Variants in DPF3 observed in about 807,000 individuals in gnomAD.
DPF3 encodes zinc finger protein DPF3.
A neutral mutation model predicts 56.8 loss-of-function variants in DPF3; 18 were observed. The ratio of observed to expected loss-of-function variants is 0.32; its 90% CI spans 0.22 to 0.47. The LOEUF (loss-of-function observed/expected upper bound fraction) is 0.47, where lower values mean the gene tolerates loss of function less well. Ranked by LOEUF, DPF3 falls within the 20% of genes least tolerant of loss-of-function variation. The pLI, the probability that DPF3 is intolerant of heterozygous loss-of-function variation, is 1.00. For missense variants in DPF3, 403 were observed against 488.8 expected (o/e 0.82, Z 1.65); for synonymous variants, 188 against 180.2 (o/e 1.04, Z -0.35).
At position 72,868,400 on chromosome 14, in the gene DPF3, A is replaced by G. The variant is rs189212686; in HGVS notation, c.32+25657T>C. The stretch of plus-strand genomic sequence containing the variant: ...GTTCCGGTTATAACCACTCCCACAC[A>G]CATTTAAAGCATCCCTTTGTTGTTG... On this transcript the variant is annotated intron_variant, in intron 1 of 10. Transcript: ENST00000556509. Among the ~76,000 whole-genome samples, 649 of 152,274 alleles carry G rather than the reference A, an allele frequency of 4.3e-3. 5 individuals are homozygous for G. Among genetic ancestry groups the G allele is most frequent in the African/African-American group, 0.015 (621 of 41,556 alleles).
chr14:72,821,499 G>T (rs903037069), intron 1 of DPF3, among the ~76,000 whole-genome samples: 2 of 150,714 alleles, frequency 1.3e-5, no homozygotes, highest in Admixed American at 1.4e-4. Flanking sequence ...CCACTAGGTT[G>T]AGTAAACGCT....
intron 1 of DPF3, among the ~76,000 whole-genome samples, chr14:72,798,425 C>T (rs910726473): frequency 5.3e-5 from 8 of 152,114 alleles, no homozygotes; most frequent in Non-Finnish European, 1.2e-4. Context: ...TTTCAACATA[C>T]ATACATACAT....
chr14:72,644,932 A>G (rs1490016801), intron 8 of DPF3, among the ~76,000 whole-genome samples: 2 of 152,244 alleles, frequency 1.3e-5, no homozygotes, highest in Admixed American at 6.5e-5. Flanking sequence ...GGCAGACATT[A>G]CTAATCAATT....
intron 8 of DPF3, chr14:72,661,951 A>G: frequency 5.1e-6 from 5 of 982,660 alleles, no homozygotes; most frequent in Non-Finnish European, 6.0e-6. Context: ...CAATAGATGG[A>G]ATTCCTTCCT....
At position 72,615,217 on chromosome 14, in the gene DPF3, C is replaced by T. The variant is rs551486383; in HGVS notation, c.*4080G>A. 6.6e-5 allele frequency among the ~76,000 whole-genome samples: 10 copies of T among 152,188 alleles called. 1 individual carries two copies. Among genetic ancestry groups the T allele is most frequent in the African/African-American group, 9.6e-5 (4 of 41,512 alleles). ...GGGCAGGGATGTGGTCCTCAGGGCC[C>T]GCCCTGGGCCACGGGCGGCGCAACA... On this transcript the variant is annotated 3_prime_UTR_variant, in exon 11 of 11. Transcript: ENST00000556509.
At chr14:72,828,205 G>A (rs1883896156) in intron 1 of DPF3, among the ~76,000 whole-genome samples, 1 of 152,124 alleles carries the variant, frequency 6.6e-6, no homozygotes, top group Non-Finnish European at 1.5e-5. Context: ...CAGTGGTTGA[G>A]TACCTGCTAT....
intron 8 of DPF3, chr14:72,662,233 T>C: frequency 1.0e-6 from 1 of 985,426 alleles, no homozygotes; most frequent in Non-Finnish European, 1.2e-6. Flanking sequence ...TGAATGGCTT[T>C]TTAAAAAGCC....
chr14:72,650,140 G>C (rs1885862916), intron 8 of DPF3, among the ~76,000 whole-genome samples: 1 of 152,032 alleles, frequency 6.6e-6, no homozygotes, highest in Admixed American at 6.5e-5. Flanking sequence ...CTGCCCTTGA[G>C]GGAAAAATGA....
At chr14:72,816,805 T>C (rs1013208323) in intron 1 of DPF3, among the ~76,000 whole-genome samples, 1 of 152,186 alleles carries the variant, frequency 6.6e-6, no homozygotes, top group African/African-American at 2.4e-5. Flanking sequence ...GAAAAGCCAG[T>C]TTCTCCTCCT....
intron 8 of DPF3, chr14:72,671,080 CA>C: frequency 6.3e-7 from 1 of 1,595,260 alleles, no homozygotes; most frequent in Non-Finnish European, 8.6e-7. Flanking sequence ...AGAACCAGCA[CA>C]ATGACCAAAG....
intron 5 of DPF3, 71 bp from the exon 6 acceptor site, chr14:72,714,572 C>A (rs567069340): frequency 1.9e-6 from 3 of 1,560,934 alleles, no homozygotes; most frequent in Admixed American, 1.7e-5. Context: ...ATGCGCTCTG[C>A]GAGCTCCTTA....
At chr14:72,661,052 T>C (rs528253485) in intron 8 of DPF3, 11 of 985,334 alleles carry the variant, frequency 1.1e-5, no homozygotes, top group South Asian at 4.7e-5. Flanking sequence ...TATAGGAGCA[T>C]TGGAAACAGA....
intron 1 of DPF3, chr14:72,835,944 C>T: frequency 1.4e-6 from 1 of 713,864 alleles, no homozygotes; most frequent in South Asian, 6.3e-5. Context: ...GACTCTTCGA[C>T]ACCTAAAACC....
rs891179735 is a variant in DPF3 at position 72,788,635 on chromosome 14, C to T, written c.33-16742G>A. On this transcript the variant is annotated intron_variant, in intron 1 of 10. Transcript: ENST00000556509. ...ATTCTAGTCAATTCCATCCACACTG[C>T]CCTCCCCCTCTGCCCTCCTCCCCAC... Among the ~76,000 whole-genome samples, 37 of 152,108 alleles carry T rather than the reference C, an allele frequency of 2.4e-4. 1 individual carries two copies. The highest frequency in any genetic ancestry group is 1.0e-3 in the Admixed American group (16 of 15,282).
chr14:72,805,105 G>A (rs1263066670), intron 1 of DPF3, among the ~76,000 whole-genome samples: 1 of 65,498 alleles, frequency 1.5e-5, no homozygotes, highest in Non-Finnish European at 3.5e-5. Context: ...AATACAAGGT[G>A]CAGCCCCAGC....
chr14:72,888,081 G>T (rs1414079015), intron 1 of DPF3, among the ~76,000 whole-genome samples: 1 of 152,144 alleles, frequency 6.6e-6, no homozygotes, highest in Non-Finnish European at 1.5e-5. Context: ...TGTTCCGCAG[G>T]CTCAGAACTG....
At chr14:72,774,804 C>A (rs1891687640) in intron 1 of DPF3, among the ~76,000 whole-genome samples, 1 of 152,112 alleles carries the variant, frequency 6.6e-6, no homozygotes, top group Admixed American at 6.5e-5. Context: ...AGATGAAAGC[C>A]CATTACAATG....
chr14:72,886,478 C>G (rs532353341), intron 1 of DPF3, among the ~76,000 whole-genome samples: 9 of 152,270 alleles, frequency 5.9e-5, no homozygotes, highest in African/African-American at 2.2e-4. Flanking sequence ...AGCAACATAG[C>G]AAGACCTCCA....
chr14:72,618,581 T>C lies in DPF3; in HGVS notation c.*716A>G, dbSNP rs930215447. On this transcript the variant is annotated 3_prime_UTR_variant, in exon 11 of 11. Transcript: ENST00000556509. ...CTCCCGATGGATAACAAGTACTGAC[T>C]GGCTATGGCGGGGCCTTGGCACCAT... Among the ~76,000 whole-genome samples, 1 of 152,170 alleles carries C rather than the reference T, an allele frequency of 6.6e-6. No homozygotes were observed. Among genetic ancestry groups the C allele is most frequent in the Non-Finnish European group, 1.5e-5 (1 of 68,032 alleles).
Sources: gnomAD v4.1 joint callset for allele counts (sites outside exome capture counted in the v4.1 genomes callset) on GRCh38, gnomAD v4.1.1 for gene constraint, MANE v1.5 for transcripts, NCBI Gene and HGNC (gene_info 2026-07-23, HGNC 2026-07-21) for gene names.